The following TRIM71 variants were observed in gnomAD, a reference collection of about 807,000 sequenced individuals.
The protein encoded by TRIM71 is tripartite motif containing 71, also known as E3 ubiquitin-protein ligase TRIM71.
TRIM71 carries 9 observed loss-of-function variants against 61.2 expected under a neutral mutation model. The observed-to-expected ratio is 0.15, with a 90% CI of 0.09 to 0.26. The LOEUF is 0.26. Ranked by LOEUF, TRIM71 falls within the 10% of genes least tolerant of loss-of-function variation. The pLI, the probability that TRIM71 is intolerant of heterozygous loss-of-function variation, is 1.00. For missense variants in TRIM71, 998 were observed against 1,238.7 expected (o/e 0.81, Z 2.92); for synonymous variants, 645 against 553.2 (o/e 1.17, Z -2.33).
At position 32,886,046 on chromosome 3, in the gene TRIM71, G is replaced by A; in HGVS notation, c.1133G>A (p.Arg378His). The A allele has an allele frequency of 6.2e-7, 1 of 1,613,752 alleles. No individual in the cohort carries two copies. Among genetic ancestry groups the A allele is most frequent in the Non-Finnish European group, 8.5e-7 (1 of 1,179,818 alleles). The change falls in exon 3 of 4, where the codon CGC (arginine) becomes CAC (histidine). Residue 378 changes from arginine (R) to histidine (H), a missense_variant. Coordinates refer to ENST00000383763, the MANE Select transcript of TRIM71 (RefSeq NM_001039111.3). ...AGGCATAAGAAAGCCCTGGAGGAAC[G>A]CGAGTGTGAGCTGCTGTGGAAGGTA... is the stretch of plus-strand genomic sequence containing the variant. The part of the protein sequence containing the change: ...TARHKKALEE[R>H]ECELLWKVEK...
intron 1 of TRIM71, among the ~76,000 whole-genome samples, chr3:32,830,052 T>C (rs1696252268): frequency 6.6e-6 from 1 of 150,750 alleles, no homozygotes; most frequent in Admixed American, 6.7e-5. Context: ...CCTCCCCGGG[T>C]ATATGGGACT....
intron 1 of TRIM71, among the ~76,000 whole-genome samples, chr3:32,836,432 G>A (rs544731886): frequency 8.3e-4 from 127 of 152,274 alleles, no homozygotes; most frequent in Middle Eastern, 6.8e-3. Flanking sequence ...AGGCATTTTG[G>A]ATAAATACTG....
intron 1 of TRIM71, among the ~76,000 whole-genome samples, chr3:32,843,028 CTATT>C (rs1256807019): frequency 6.6e-6 from 1 of 151,866 alleles, no homozygotes; most frequent in Non-Finnish European, 1.5e-5. Context: ...GGGGGTGGGA[CTATT>C]TATAGGATTA....
intron 1 of TRIM71, among the ~76,000 whole-genome samples, chr3:32,853,940 G>C (rs1459972534): frequency 6.6e-6 from 1 of 152,026 alleles, no homozygotes; most frequent in African/African-American, 2.4e-5. Flanking sequence ...AGAGGCGGGG[G>C]TTGCAATGAG....
At chr3:32,875,077 T>G (rs1177331454) in intron 2 of TRIM71, among the ~76,000 whole-genome samples, 1 of 152,228 alleles carries the variant, frequency 6.6e-6, no homozygotes, top group East Asian at 1.9e-4. Context: ...TGCCTCGGCC[T>G]CCCAAAATGC....
At position 32,868,463 on chromosome 3, in the gene TRIM71, A is replaced by G. The variant is rs577162964; in HGVS notation, c.853-5355A>G. 2.1e-3 allele frequency among the ~76,000 whole-genome samples: 319 copies of G among 152,304 alleles called. 1 individual carries two copies. The highest frequency in any genetic ancestry group is 7.3e-3 in the African/African-American group (303 of 41,572). On this transcript the variant is annotated intron_variant, in intron 1 of 3. Coordinates refer to ENST00000383763, the MANE Select transcript of TRIM71 (RefSeq NM_001039111.3). ...TCAAAAATCAGGAAACAGTTTTACA[A>G]TTTTATTAGCCTATACTCATTAAGT...
intron 1 of TRIM71, among the ~76,000 whole-genome samples, chr3:32,832,810 G>C (rs1045304642): frequency 5.3e-5 from 8 of 152,256 alleles, no homozygotes; most frequent in African/African-American, 1.9e-4. Flanking sequence ...GGGGGTGGAC[G>C]ATTGATAACA....
Position 32,826,792 on chromosome 3 carries a change from C to CT in TRIM71, c.852+7861dup, listed in dbSNP as rs570653683. Among the ~76,000 whole-genome samples the CT allele has an allele frequency of 2.4e-4, 36 of 151,706 alleles. No individual in the cohort carries two copies. In the South Asian group the frequency reaches 6.5e-3, roughly 27 times the overall value. On this transcript the variant is annotated intron_variant, in intron 1 of 3. Coordinates refer to ENST00000383763, the MANE Select transcript of TRIM71 (RefSeq NM_001039111.3). ...TGTTTTTTTGAGACGGAGTCTTGCT[C>CT]TGTCCTGTCCCTGAGGCTGGAGTGC... is the stretch of plus-strand genomic sequence containing the variant.
chr3:32,831,724 A>T (rs1417226161), intron 1 of TRIM71, among the ~76,000 whole-genome samples: 1 of 151,806 alleles, frequency 6.6e-6, no homozygotes, highest in Non-Finnish European at 1.5e-5. Context: ...TTTAGTAGAG[A>T]TGGGGTTTTA....
At chr3:32,870,402 A>G (rs1696782267) in intron 1 of TRIM71, among the ~76,000 whole-genome samples, 1 of 152,062 alleles carries the variant, frequency 6.6e-6, no homozygotes, top group Non-Finnish European at 1.5e-5. Context: ...GGCGGCCTGG[A>G]GCTGTGAAAG....
intron 1 of TRIM71, among the ~76,000 whole-genome samples, chr3:32,825,310 C>A (rs140515372): frequency 6.6e-6 from 1 of 152,074 alleles, no homozygotes; most frequent in African/African-American, 2.4e-5. Context: ...ATGGCTAAAA[C>A]GCTTTTTTTT....
Position 32,818,427 on chromosome 3 carries a change from T to C in TRIM71, c.347T>C (p.Leu116Pro). Reference sequence around the variant, plus strand: ...GCGCTGCCTTCGTCCGCCTTCCTGCTTAGCAACCTGCTCGACGCGGTGGTG... The same window carrying C: ...GCGCTGCCTTCGTCCGCCTTCCTGCCTAGCAACCTGCTCGACGCGGTGGTG... ...MDALPSSAFL[L>P]SNLLDAVVAT... The change falls in exon 1 of 4, where the codon CTT (leucine) becomes CCT (proline). Residue 116 changes from leucine to proline, a missense_variant. Coordinates refer to ENST00000383763, the MANE Select transcript of TRIM71 (RefSeq NM_001039111.3). 1.4e-6 allele frequency: 2 copies of C among 1,475,152 alleles called. No homozygotes were observed. The highest frequency in any genetic ancestry group is 1.8e-6 in the Non-Finnish European group (2 of 1,117,776). 91.4% of individuals were successfully genotyped at this position (1,475,152 alleles called of 1,614,324 possible).
At chr3:32,865,082 C>G (rs1696717390) in intron 1 of TRIM71, among the ~76,000 whole-genome samples, 1 of 152,160 alleles carries the variant, frequency 6.6e-6, no homozygotes, top group South Asian at 2.1e-4. Context: ...GTAATTCCAG[C>G]ACTTTGGGAG....
chr3:32,829,626 T>TTTGTGTGTGTGTGTG (rs1553643443), intron 1 of TRIM71, among the ~76,000 whole-genome samples: 10 of 148,680 alleles, frequency 6.7e-5, no homozygotes, highest in African/African-American at 2.5e-4. Flanking sequence ...TGTCATGGTA[T>TTTGTGTGTGTGTGTG]TGTGTGTGTG....
At position 32,892,486 on chromosome 3, in the gene TRIM71, T is replaced by C. The variant is rs1697037952; in HGVS notation, c.*675T>C. On this transcript the variant is annotated 3_prime_UTR_variant, in exon 4 of 4. Coordinates refer to ENST00000383763, the MANE Select transcript of TRIM71 (RefSeq NM_001039111.3). ...CATCCTCTTCTGCATCGTTTCTTGA[T>C]CTTAGACGTTGTGGCTGTGGCTTGC... The C allele has an allele frequency of 6.6e-6, 1 of 152,206 alleles. No individual in the cohort carries two copies. Among genetic ancestry groups the C allele is most frequent in the Non-Finnish European group, 1.5e-5 (1 of 68,038 alleles). 9.4% of individuals were successfully genotyped at this position (152,206 alleles called of 1,614,324 possible).
chr3:32,872,046 C>G (rs966225855), intron 1 of TRIM71, among the ~76,000 whole-genome samples: 1 of 152,112 alleles, frequency 6.6e-6, no homozygotes, highest in African/African-American at 2.4e-5. Context: ...CCCAGGGAGG[C>G]TAAGGCAGGA....
rs923480066 is a variant in TRIM71 at position 32,897,562 on chromosome 3, G to A, written c.*5751G>A. The A allele has an allele frequency of 2.6e-5, 4 of 152,112 alleles. No homozygotes were observed. In the South Asian group the frequency reaches 6.2e-4, roughly 24 times the overall value. The allele number at this position is 152,112 out of a possible 1,614,324, so 9.4% of individuals were successfully genotyped here. A position where few individuals can be genotyped will look rare whatever the true frequency, so the allele number is the denominator to read the frequency against. ...GGCTTTCACATTTTAAATCTTAAATGTTACTATTGCAGGCCGCAGGCATGA... is the reference window on the plus strand; with the variant it reads ...GGCTTTCACATTTTAAATCTTAAATATTACTATTGCAGGCCGCAGGCATGA... On this transcript the variant is annotated 3_prime_UTR_variant, in exon 4 of 4. Transcript: ENST00000383763.
intron 1 of TRIM71, among the ~76,000 whole-genome samples, chr3:32,864,113 C>A (rs1329840064): frequency 6.6e-6 from 1 of 152,196 alleles, no homozygotes; most frequent in African/African-American, 2.4e-5. Flanking sequence ...GTTGCCCAAG[C>A]TGGAGTGCAG....
At chr3:32,841,793 C>A (rs1460949815) in intron 1 of TRIM71, among the ~76,000 whole-genome samples, 1 of 152,138 alleles carries the variant, frequency 6.6e-6, no homozygotes, top group East Asian at 1.9e-4. Flanking sequence ...CCAGGACTTA[C>A]CAGGAAGCTT....
Sources: gnomAD v4.1 joint callset for allele counts (sites outside exome capture counted in the v4.1 genomes callset) on GRCh38, gnomAD v4.1.1 for gene constraint, MANE v1.5 for transcripts, NCBI Gene and HGNC (gene_info 2026-07-23, HGNC 2026-07-21) for gene names.